DLC1: variants seen among roughly 807,000 people sequenced by gnomAD.
DLC1 encodes the protein rho GTPase-activating protein 7.
In DLC1, 54 loss-of-function variants were observed where a neutral mutation model predicts 140.3. The ratio of observed to expected loss-of-function variants is 0.38; its 90% CI spans 0.31 to 0.48. DLC1 has a LOEUF of 0.48. Among genes scored for constraint, DLC1 ranks in the 20% least tolerant of loss-of-function variants. The pLI, the probability that DLC1 is intolerant of heterozygous loss-of-function variation, is 0.96. For missense variants in DLC1, 2,536 were observed against 1,907.0 expected, an observed-to-expected ratio of 1.33 and a Z score of -6.14; for synonymous variants, 986 against 728.1, an observed-to-expected ratio of 1.35 and a Z score of -5.70.
In DLC1 at chr8:13,145,713, G is replaced by T. The variant is rs532382293; in HGVS notation, c.1349-30056C>A. The stretch of plus-strand genomic sequence containing the variant: ...TGAAAATAAATGAGCATAGCTACAT[G>T]CAACAACGTGGATAAATCTTTGAAA... On this transcript the variant is annotated intron_variant, in intron 5 of 17. Transcript: ENST00000276297. Among the ~76,000 whole-genome samples, 3 of 152,296 alleles carry T rather than the reference G, an allele frequency of 2.0e-5. No individual in the cohort carries two copies. In the South Asian group the frequency reaches 6.2e-4, roughly 32 times the overall value.
intron 1 of DLC1, among the ~76,000 whole-genome samples, chr8:13,572,314 C>A (rs1804688497): frequency 6.6e-6 from 1 of 152,084 alleles, no homozygotes; most frequent in Non-Finnish European, 1.5e-5. Context: ...TGGTCTCGAT[C>A]TCCTGACCTT....
At chr8:13,423,875 G>A (rs957311513) in intron 2 of DLC1, among the ~76,000 whole-genome samples, 5 of 152,136 alleles carry the variant, frequency 3.3e-5, no homozygotes, top group African/African-American at 1.2e-4. Context: ...CTTGTGGACT[G>A]AAAGCTCTGA....
At chr8:13,406,851 C>T (rs1019375767) in intron 2 of DLC1, among the ~76,000 whole-genome samples, 3 of 152,106 alleles carry the variant, frequency 2.0e-5, no homozygotes, top group African/African-American at 7.2e-5. Flanking sequence ...AATGGAATAG[C>T]CACAGTCTGC....
At chr8:13,352,200 T>C (rs1194993466) in intron 4 of DLC1, among the ~76,000 whole-genome samples, 1 of 151,660 alleles carries the variant, frequency 6.6e-6, no homozygotes, top group Admixed American at 6.5e-5. Context: ...TGCACGTGGA[T>C]GCGCTTGTTC....
intron 5 of DLC1, among the ~76,000 whole-genome samples, chr8:13,152,104 G>A (rs1432134798): frequency 3.3e-5 from 5 of 152,198 alleles, no homozygotes; most frequent in Non-Finnish European, 7.3e-5. Flanking sequence ...TCTCAGGGTT[G>A]CTTTGAGTGC....
chr8:13,307,015 T>C (rs975434380), intron 4 of DLC1, among the ~76,000 whole-genome samples: 10 of 126,074 alleles, frequency 7.9e-5, no homozygotes, highest in African/African-American at 2.5e-4. Context: ...ACCCGGGAGA[T>C]AGAAGTTGCA....
chr8:13,415,621 G>C (rs289592), intron 2 of DLC1, among the ~76,000 whole-genome samples: 2 of 151,820 alleles, frequency 1.3e-5, no homozygotes, highest in African/African-American at 4.8e-5. Flanking sequence ...GGATGGTCTC[G>C]ATCACCTGAC....
At chr8:13,566,266 G>A (rs555408448) in intron 1 of DLC1, among the ~76,000 whole-genome samples, 275 of 152,234 alleles carry the variant, frequency 1.8e-3, no homozygotes, top group Middle Eastern at 0.01. Context: ...TAAGAGTGAG[G>A]ACGGGCGTGG....
At chr8:13,424,910 T>C (rs1838487648) in intron 2 of DLC1, among the ~76,000 whole-genome samples, 1 of 152,216 alleles carries the variant, frequency 6.6e-6, no homozygotes, top group African/African-American at 2.4e-5. Flanking sequence ...TCGCAATCTC[T>C]GTGCTTAGTA....
In DLC1 at chr8:13,500,169, A is replaced by G. The variant is rs945630860; in HGVS notation, c.-98T>C. On this transcript the variant is annotated 5_prime_UTR_variant, in exon 2 of 18. Coordinates refer to ENST00000276297, the MANE Select transcript of DLC1 (RefSeq NM_182643.3). ...ATTATTTCAAAATCACCAATCAAAG[A>G]AGCGAATGAGTTCTGTCATTTCACC... The G allele has an allele frequency of 9.7e-6, 11 of 1,135,014 alleles. No individual in the cohort carries two copies. The African/African-American group carries it at 1.7e-4, about 17-fold the overall frequency. The allele number at this position is 1,135,014 out of a possible 1,614,324, so 70.3% of individuals were successfully genotyped here.
intron 1 of DLC1, among the ~76,000 whole-genome samples, chr8:13,551,654 AAGGTG>A (rs1803855749): frequency 6.6e-6 from 1 of 151,954 alleles, no homozygotes; most frequent in South Asian, 2.1e-4. Flanking sequence ...GAAATGATTG[AAGGTG>A]AGACATCTTA....
chr8:13,369,348 C>T (rs1835630053), intron 4 of DLC1, among the ~76,000 whole-genome samples: 1 of 70,568 alleles, frequency 1.4e-5, no homozygotes, highest in African/African-American at 6.4e-5. Context: ...GTATTTTTGG[C>T]TGGGTCGAAA....
intron 2 of DLC1, among the ~76,000 whole-genome samples, chr8:13,458,328 A>C (rs530896861): frequency 1.1e-3 from 172 of 152,338 alleles, no homozygotes; most frequent in African/African-American, 3.5e-3. Context: ...AAATAAGAGC[A>C]CAAAAAATGA....
At chr8:13,353,043 T>C (rs1021246981) in intron 4 of DLC1, among the ~76,000 whole-genome samples, 3 of 152,142 alleles carry the variant, frequency 2.0e-5, no homozygotes, top group Non-Finnish European at 4.4e-5. Flanking sequence ...ATACCATATA[T>C]ATATAGTCCC....
At chr8:13,086,492 G>T (rs1276892363) in intron 16 of DLC1, 29 bp from the exon 17 acceptor site, 2 of 1,601,980 alleles carry the variant, frequency 1.2e-6, no homozygotes, top group Non-Finnish European at 8.5e-7. Context: ...AGGCAGAAAT[G>T]ATGGAATTTC....
intron 5 of DLC1, among the ~76,000 whole-genome samples, chr8:13,207,827 T>C (rs1206564227): frequency 3.3e-5 from 5 of 152,178 alleles, no homozygotes; most frequent in Non-Finnish European, 5.9e-5. Context: ...CAAAGAATTA[T>C]CTTGCCCAAA....
chr8:13,206,798 C>T (rs528732671), intron 5 of DLC1, among the ~76,000 whole-genome samples: 2 of 151,996 alleles, frequency 1.3e-5, no homozygotes, highest in South Asian at 2.1e-4. Flanking sequence ...CCATTTGTTA[C>T]CATACAGAGG....
rs539368180 is a variant in DLC1, at chr8:13,530,309, A to G, written c.-125-30113T>C. ...TGTCCATTAGTACAGCCATTTCTTA[A>G]GGTAAATAGAATAATGAGATTCAGA... is the stretch of plus-strand genomic sequence containing the variant. On this transcript the variant is annotated intron_variant, in intron 1 of 1. Transcript: ENST00000631382. Among the ~76,000 whole-genome samples, 89 of 152,302 alleles carry G rather than the reference A, an allele frequency of 5.8e-4. 1 individual carries two copies. The South Asian group carries it at 0.015, about 26-fold the overall frequency.
intron 4 of DLC1, among the ~76,000 whole-genome samples, chr8:13,306,089 G>T (rs1339476802): frequency 6.6e-6 from 1 of 152,052 alleles, no homozygotes; most frequent in Non-Finnish European, 1.5e-5. Flanking sequence ...TCAGAGGATT[G>T]CTGAAAGAAC....
Sources: allele counts gnomAD v4.1 joint callset (sites outside exome capture counted in the v4.1 genomes callset), GRCh38; gene constraint gnomAD v4.1.1; transcripts MANE v1.5; gene names NCBI Gene and HGNC (gene_info 2026-07-23, HGNC 2026-07-21).